The following PRKG1 variants were observed in gnomAD, a reference collection of about 807,000 sequenced individuals.
The protein encoded by PRKG1 is protein kinase cGMP-dependent 1, also known as cGMP-dependent protein kinase 1.
In PRKG1, 35 loss-of-function variants were observed where a neutral mutation model predicts 88.1. That is an observed-to-expected ratio of 0.40 (90% confidence interval 0.30 to 0.53). The LOEUF (loss-of-function observed/expected upper bound fraction) is 0.53. PRKG1 is among the 20% of genes least tolerant of loss of function. PRKG1 has a pLI of 0.59. For missense variants in PRKG1, 540 were observed against 839.8 expected (o/e 0.64, Z 4.41); for synonymous variants, 303 against 292.5 (o/e 1.04, Z -0.37).
At chr10:51,135,098 T>C (rs562410494) in intron 1 of PRKG1, among the ~76,000 whole-genome samples, 17 of 152,132 alleles carry the variant, frequency 1.1e-4, no homozygotes, top group South Asian at 2.1e-4. Context: ...ATGATGACTT[T>C]TACAAAAGTA....
At chr10:51,850,710 G>A (rs959037273) in intron 4 of PRKG1, among the ~76,000 whole-genome samples, 1 of 152,040 alleles carries the variant, frequency 6.6e-6, no homozygotes, top group African/African-American at 2.4e-5. Context: ...AAAGCAGATA[G>A]TTTTTAAACG....
chr10:51,225,089 CTG>C (rs1838655151), intron 2 of PRKG1, among the ~76,000 whole-genome samples: 2 of 152,324 alleles, frequency 1.3e-5, no homozygotes, highest in South Asian at 4.1e-4. Context: ...ATACTACAAA[CTG>C]TGTAGCTTAT....
chr10:52,202,659 CT>C (rs766522806), intron 9 of PRKG1, among the ~76,000 whole-genome samples: 45 of 144,928 alleles, frequency 3.1e-4, no homozygotes, highest in East Asian at 2.6e-3. Flanking sequence ...TCCACCTGGG[CT>C]TTTTTTTTTG....
chr10:51,748,926 C>A (rs1837648147), intron 3 of PRKG1, among the ~76,000 whole-genome samples: 1 of 152,096 alleles, frequency 6.6e-6, no homozygotes, highest in Non-Finnish European at 1.5e-5. Flanking sequence ...ACCTTTGGTC[C>A]AATGTCAAAT....
chr10:52,122,986 C>T (rs560947379), intron 7 of PRKG1, among the ~76,000 whole-genome samples: 1 of 152,240 alleles, frequency 6.6e-6, no homozygotes, highest in African/African-American at 2.4e-5. Context: ...TTTTTCTTCC[C>T]CTTTCTCTTT....
rs1401193875 is a variant in PRKG1 at position 51,126,153 on chromosome 10, ATTTT to A, written c.312-27008_312-27005del. On this transcript the variant is annotated intron_variant, in intron 1 of 17. Transcript: ENST00000373980. ...ATTTTATAATTATATATATTATATA[ATTTT>A]TTATATGTAATTATTTATATATTTA... 5.9e-5 allele frequency among the ~76,000 whole-genome samples: 7 copies of A among 118,636 alleles called. No individual in the cohort carries two copies. The East Asian group carries it at 1.5e-3, about 26-fold the overall frequency. The allele number at this position is 118,636 out of a possible 152,430, so 77.8% of individuals were successfully genotyped here. A position where few individuals can be genotyped will look rare whatever the true frequency, so the allele number is the denominator to read the frequency against.
chr10:52,104,066 A>G (rs1847359542), intron 7 of PRKG1, among the ~76,000 whole-genome samples: 1 of 149,314 alleles, frequency 6.7e-6, no homozygotes, highest in Non-Finnish European at 1.5e-5. Flanking sequence ...TTAGCTTAGA[A>G]TTAATTACAT....
rs1192281956 is a variant in PRKG1, at chr10:52,188,200, GTA to G, written c.1076+26247_1076+26248del. The stretch of plus-strand genomic sequence containing the variant: ...GTATGATATCTATGTATGTGTGTGT[GTA>G]TATATATATGTGTATATATATACAT... On this transcript the variant is annotated intron_variant, in intron 9 of 17. Coordinates refer to ENST00000373980, the MANE Select transcript of PRKG1 (RefSeq NM_006258.4). 9.0e-4 allele frequency among the ~76,000 whole-genome samples: 73 copies of G among 80,976 alleles called. 2 individuals carry two copies. Among genetic ancestry groups the G allele is most frequent in the African/African-American group, 2.1e-3 (64 of 30,722 alleles). The allele number at this position is 80,976 out of a possible 152,430, so 53.1% of individuals were successfully genotyped here.
chr10:51,277,332 G>A (rs1840150693), intron 2 of PRKG1, among the ~76,000 whole-genome samples: 3 of 152,186 alleles, frequency 2.0e-5, no homozygotes, highest in South Asian at 4.2e-4. Flanking sequence ...GCTCTGTTTT[G>A]GTACCAGTAC....
chr10:51,132,941 CA>C (rs1455258157), intron 1 of PRKG1, among the ~76,000 whole-genome samples: 2 of 151,838 alleles, frequency 1.3e-5, no homozygotes, highest in African/African-American at 2.4e-5. Flanking sequence ...ATTTGTTAAT[CA>C]AAAAATGCAT....
intron 3 of PRKG1, among the ~76,000 whole-genome samples, chr10:51,749,807 G>T (rs571268462): frequency 4.8e-4 from 73 of 152,162 alleles, no homozygotes; most frequent in African/African-American, 1.7e-3. Context: ...CTCCTCAGAG[G>T]ACAGATGCCA....
intron 1 of PRKG1, among the ~76,000 whole-genome samples, chr10:51,139,236 A>T (rs1047346560): frequency 5.9e-5 from 9 of 152,300 alleles, no homozygotes; most frequent in African/African-American, 2.2e-4. Context: ...TTTTTAAATG[A>T]TTTTTAAAAA....
chr10:51,833,253 G>A lies in PRKG1; in HGVS notation c.698+28563G>A, dbSNP rs1004645974. Reference sequence around the variant, plus strand: ...AGGTGTCCTGTGAATTGAGCAGGACGAGTGAGGTTGCTGAGTGACGTAAAA... The same window carrying A: ...AGGTGTCCTGTGAATTGAGCAGGACAAGTGAGGTTGCTGAGTGACGTAAAA... On this transcript the variant is annotated intron_variant, in intron 4 of 17. Transcript: ENST00000373980. 1.3e-4 allele frequency among the ~76,000 whole-genome samples: 20 copies of A among 152,172 alleles called. 1 individual carries two copies. Among genetic ancestry groups the A allele is most frequent in the South Asian group, 2.1e-4 (1 of 4,824 alleles).
At chr10:51,777,407 A>G (rs966023114) in intron 3 of PRKG1, among the ~76,000 whole-genome samples, 1 of 152,108 alleles carries the variant, frequency 6.6e-6, no homozygotes, top group Non-Finnish European at 1.5e-5. Context: ...TTGGGTTCAC[A>G]TAGCATTCTG....
chr10:52,093,078 A>C (rs1462483835), intron 7 of PRKG1, among the ~76,000 whole-genome samples: 1 of 152,142 alleles, frequency 6.6e-6, no homozygotes, highest in Non-Finnish European at 1.5e-5. Flanking sequence ...TACCCCATGA[A>C]ATGTGATTGT....
chr10:52,266,923 C>T (rs1400339988), intron 10 of PRKG1, among the ~76,000 whole-genome samples: 1 of 152,038 alleles, frequency 6.6e-6, no homozygotes, highest in East Asian at 1.9e-4. Context: ...GCATAACTAT[C>T]TAGGCTAGTC....
In PRKG1 at chr10:51,074,492, G is replaced by A; in HGVS notation, c.-99G>A. ...CTCAAGTAGGAAGCTTTGGCACTCG[G>A]GAGGCAGCGGCGACTTTGGGGAAAG... On this transcript the variant is annotated 5_prime_UTR_variant, in exon 1 of 18. Transcript: ENST00000373980. 1 of 1,487,992 alleles carries A rather than the reference G, an allele frequency of 6.7e-7. No individual in the cohort carries two copies. The highest frequency in any genetic ancestry group is 9.0e-7 in the Non-Finnish European group (1 of 1,115,132). 92.2% of individuals were successfully genotyped at this position (1,487,992 alleles called of 1,614,324 possible). A position where few individuals can be genotyped will look rare whatever the true frequency, so the allele number is the denominator to read the frequency against.
chr10:52,010,685 C>T (rs528128736), intron 5 of PRKG1, among the ~76,000 whole-genome samples: 23 of 152,272 alleles, frequency 1.5e-4, no homozygotes, highest in Middle Eastern at 3.4e-3. Flanking sequence ...GATAAACCGA[C>T]GGCCTTCCCA....
At chr10:51,477,290 A>C (rs1840224463) in intron 3 of PRKG1, among the ~76,000 whole-genome samples, 1 of 150,638 alleles carries the variant, frequency 6.6e-6, no homozygotes, top group African/African-American at 2.4e-5. Flanking sequence ...AAAGAAAGGA[A>C]AGACAGAAAG....
Sources: allele counts gnomAD v4.1 joint callset (sites outside exome capture counted in the v4.1 genomes callset), GRCh38; gene constraint gnomAD v4.1.1; transcripts MANE v1.5; gene names NCBI Gene and HGNC (gene_info 2026-07-23, HGNC 2026-07-21).